Variants in ABCC9 observed in about 807,000 individuals in gnomAD.
ABCC9 encodes ATP binding cassette subfamily C member 9, also known as ATP-binding cassette sub-family C member 9.
A neutral mutation model predicts 188.3 loss-of-function variants in ABCC9; 95 were observed. That is an observed-to-expected ratio of 0.50 (90% CI 0.43 to 0.60). The LOEUF is 0.60. Among genes scored for constraint, ABCC9 ranks in the 20% least tolerant of loss-of-function variants. ABCC9 has a pLI of 0.00. For synonymous variants in ABCC9, 659 were observed against 652.7 expected, an observed-to-expected ratio of 1.01 and a Z score of -0.15; for missense variants, 1,102 against 1,876.3, an observed-to-expected ratio of 0.59 and a Z score of 7.62.
At chr12:21,863,355 C>T (rs953198169) in intron 19 of ABCC9, among the ~76,000 whole-genome samples, 9 of 117,654 alleles carry the variant, frequency 7.6e-5, no homozygotes, top group Admixed American at 5.9e-4. Context: ...TCTAAAATGA[C>T]TATAATTTTT....
chr12:21,900,619 C>T (rs562868643), intron 12 of ABCC9, among the ~76,000 whole-genome samples: 18 of 152,260 alleles, frequency 1.2e-4, no homozygotes, highest in African/African-American at 4.1e-4. Flanking sequence ...CCTTCAATGA[C>T]CTGATGGATC....
At chr12:21,863,969 C>T (rs112497541) in intron 19 of ABCC9, among the ~76,000 whole-genome samples, 1 of 152,018 alleles carries the variant, frequency 6.6e-6, no homozygotes. Context: ...CAGAGTAAAA[C>T]AATGGTTCCC....
chr12:21,905,399 A>G (rs553313456), intron 12 of ABCC9, among the ~76,000 whole-genome samples: 2 of 151,958 alleles, frequency 1.3e-5, no homozygotes, highest in East Asian at 3.9e-4. Context: ...TGTACCCTAG[A>G]ACTTAAAGTA....
At chr12:21,927,537 G>C (rs1430283752) in intron 4 of ABCC9, among the ~76,000 whole-genome samples, 1 of 152,126 alleles carries the variant, frequency 6.6e-6, no homozygotes, top group Non-Finnish European at 1.5e-5. Context: ...CTAACATTAG[G>C]GTATGAGGGT....
chr12:21,799,445 C>A lies in ABCC9; in HGVS notation c.*1599G>T, dbSNP rs571301597. Reference sequence around the variant, plus strand: ...AAGACATAATTAATGAGTACCAATCCTATTCTGTTTAGCTTTAAGAAAACA... The same window carrying A: ...AAGACATAATTAATGAGTACCAATCATATTCTGTTTAGCTTTAAGAAAACA... On this transcript the variant is annotated 3_prime_UTR_variant, in exon 40 of 40. Coordinates refer to ENST00000261200, the MANE Select transcript of ABCC9 (RefSeq NM_020297.4). 6.6e-6 allele frequency: 1 copy of A among 152,078 alleles called. No individual in the cohort carries two copies. The highest frequency in any genetic ancestry group is 2.4e-5 in the African/African-American group (1 of 41,482). The allele number at this position is 152,078 out of a possible 1,614,324, so 9.4% of individuals were successfully genotyped here.
intron 15 of ABCC9, among the ~76,000 whole-genome samples, chr12:21,885,934 A>G (rs1005510348): frequency 2.6e-5 from 4 of 152,172 alleles, no homozygotes; most frequent in Admixed American, 6.6e-5. Flanking sequence ...CCAAGTTCCA[A>G]TCAGTTCCAG....
chr12:21,799,482 T>G lies in ABCC9; in HGVS notation c.*1562A>C, dbSNP rs938189692. ...GCTTTAAGAAAACAATAAGGTTATT[T>G]TCTTCCAAGGAAGTTTTATATACAC... is the stretch of plus-strand genomic sequence containing the variant. On this transcript the variant is annotated 3_prime_UTR_variant, in exon 40 of 40. Transcript: ENST00000261200. 1 of 152,198 alleles carries G rather than the reference T, an allele frequency of 6.6e-6. No homozygotes were observed. Among genetic ancestry groups the G allele is most frequent in the Admixed American group, 6.5e-5 (1 of 15,274 alleles). The allele number at this position is 152,198 out of a possible 1,614,324, so 9.4% of individuals were successfully genotyped here. A position where few individuals can be genotyped will look rare whatever the true frequency, so the allele number is the denominator to read the frequency against.
chr12:21,884,361 A>T (rs906459521), intron 15 of ABCC9, among the ~76,000 whole-genome samples: 1 of 152,158 alleles, frequency 6.6e-6, no homozygotes, highest in Non-Finnish European at 1.5e-5. Flanking sequence ...GTATGAACCA[A>T]TGCACTCAGC....
intron 30 of ABCC9, among the ~76,000 whole-genome samples, chr12:21,832,268 G>A (rs750497398): frequency 7.2e-5 from 11 of 152,146 alleles, no homozygotes; most frequent in Non-Finnish European, 1.3e-4. Context: ...CTTCATGTGA[G>A]TACACCACGA....
intron 12 of ABCC9, among the ~76,000 whole-genome samples, chr12:21,902,411 T>G (rs1482807136): frequency 1.3e-5 from 2 of 152,020 alleles, no homozygotes; most frequent in Non-Finnish European, 2.9e-5. Flanking sequence ...AGCAAACACA[T>G]TCAAAAGCTA....
chr12:21,940,272 A>T (rs1949640055), intron 2 of ABCC9, among the ~76,000 whole-genome samples: 1 of 152,240 alleles, frequency 6.6e-6, no homozygotes, highest in African/African-American at 2.4e-5. Flanking sequence ...ATATAAAAGG[A>T]TTCATTCTTT....
chr12:21,828,710 T>G (rs1239815408), intron 31 of ABCC9: 1 of 490,662 alleles, frequency 2.0e-6, no homozygotes, highest in Non-Finnish European at 3.7e-6. Flanking sequence ...TTCCATTAAC[T>G]TATGTGATCT....
chr12:21,864,616 C>T (rs1022860924), intron 18 of ABCC9, 139 bp from the exon 19 acceptor site: 47 of 667,480 alleles, frequency 7.0e-5, no homozygotes, highest in Non-Finnish European at 1.2e-4. Flanking sequence ...ATATTAATTT[C>T]AAAGACAAAC....
intron 16 of ABCC9, among the ~76,000 whole-genome samples, chr12:21,882,344 G>A (rs1268545135): frequency 1.3e-5 from 2 of 152,214 alleles, no homozygotes; most frequent in Non-Finnish European, 2.9e-5. Context: ...ATCAAGGGCA[G>A]TACCGGGAAA....
In ABCC9 at chr12:21,829,012, G is replaced by A. The variant is rs17846779; in HGVS notation, c.3615C>T (p.Asn1205=). 1.2e-6 allele frequency: 2 copies of A among 1,613,912 alleles called. No individual in the cohort carries two copies. The highest frequency in any genetic ancestry group is 1.7e-6 in the Non-Finnish European group (2 of 1,179,940). The change falls in exon 31 of 40, where the codon AAC becomes AAT. Residue 1205 remains asparagine, a synonymous_variant. Coordinates refer to ENST00000261200, the MANE Select transcript of ABCC9 (RefSeq NM_020297.4). ...KQRMLELTDT[N]NIAYLFLSAA... ...CTGAGAGAAATAAGTAGGCAATGTT[G>A]TTTGTATCCGTCAGTTCCAGCATAC... is the stretch of plus-strand genomic sequence containing the variant.
intron 29 of ABCC9, among the ~76,000 whole-genome samples, chr12:21,839,411 G>A (rs1201893126): frequency 6.6e-6 from 1 of 152,116 alleles, no homozygotes; most frequent in Non-Finnish European, 1.5e-5. Flanking sequence ...GTTTAGTTTT[G>A]GACACAGTGA....
chr12:21,843,099 T>C (rs1944472989), intron 28 of ABCC9, among the ~76,000 whole-genome samples: 1 of 152,188 alleles, frequency 6.6e-6, no homozygotes, highest in African/African-American at 2.4e-5. Context: ...AAAAGTAACC[T>C]ATTTTCCTTA....
At chr12:21,831,405 T>C (rs1943753659) in intron 30 of ABCC9, among the ~76,000 whole-genome samples, 1 of 152,094 alleles carries the variant, frequency 6.6e-6, no homozygotes, top group African/African-American at 2.4e-5. Flanking sequence ...GACATTATGC[T>C]AGACACTGAG....
chr12:21,798,251 A>G lies in ABCC9; in HGVS notation c.*2793T>C, dbSNP rs969765277. 2.0e-5 allele frequency: 3 copies of G among 152,180 alleles called. No individual in the cohort carries two copies. Among genetic ancestry groups the G allele is most frequent in the East Asian group, 1.9e-4 (1 of 5,194 alleles). 9.4% of individuals were successfully genotyped at this position (152,180 alleles called of 1,614,324 possible). ...ATATCATTAAAAGATTACTTCCACAATGGTTGAACTAGTTTACAGTCCCAC... is the reference window on the plus strand; with the variant it reads ...ATATCATTAAAAGATTACTTCCACAGTGGTTGAACTAGTTTACAGTCCCAC... On this transcript the variant is annotated 3_prime_UTR_variant, in exon 40 of 40. Transcript: ENST00000261200.
Sources: allele counts gnomAD v4.1 joint callset (sites outside exome capture counted in the v4.1 genomes callset), GRCh38; gene constraint gnomAD v4.1.1; transcripts MANE v1.5; gene names NCBI Gene and HGNC (gene_info 2026-07-23, HGNC 2026-07-21).